PRUNE1: variants seen among roughly 807,000 people sequenced by gnomAD.
PRUNE1 encodes prune exopolyphosphatase 1.
A neutral mutation model predicts 42.5 loss-of-function variants in PRUNE1; 25 were observed. The observed-to-expected ratio is 0.59, with a 90% CI of 0.43 to 0.82. The LOEUF is 0.82. Among genes scored for constraint, PRUNE1 ranks in the 40% least tolerant of loss-of-function variants. PRUNE1 has a pLI of 0.00. For missense variants in PRUNE1, 443 were observed against 539.3 expected (o/e 0.82, Z 1.77); for synonymous variants, 203 against 217.1 (o/e 0.93, Z 0.57).
chr1:151,018,209 T>C (rs1201132787), intron 2 of PRUNE1, among the ~76,000 whole-genome samples: 5 of 152,154 alleles, frequency 3.3e-5, no homozygotes, highest in Admixed American at 1.3e-4. Context: ...AGGTTAGTTC[T>C]TGAGGACTAA....
intron 3 of PRUNE1, among the ~76,000 whole-genome samples, chr1:151,021,757 G>C (rs1014956216): frequency 2.2e-5 from 3 of 138,508 alleles, no homozygotes; most frequent in African/African-American, 5.4e-5. Context: ...TTCTCTTGTT[G>C]CCTAGGTTGG....
At chr1:151,018,714 G>C in intron 3 of PRUNE1, 45 bp downstream of exon 3, 2 of 1,536,694 alleles carry the variant, frequency 1.3e-6, no homozygotes, top group Non-Finnish European at 1.8e-6. Flanking sequence ...GTACCATGCT[G>C]GGCTCTGATG....
chr1:151,010,705 C>T (rs910878689), intron 1 of PRUNE1, among the ~76,000 whole-genome samples: 7 of 140,100 alleles, frequency 5.0e-5, no homozygotes, highest in Non-Finnish European at 7.6e-5. Flanking sequence ...TAGACTCACT[C>T]TGTCGCCCAG....
chr1:151,014,989 C>T (rs587705152), intron 1 of PRUNE1, among the ~76,000 whole-genome samples: 16 of 151,842 alleles, frequency 1.1e-4, no homozygotes, highest in South Asian at 2.1e-4. Flanking sequence ...CCCAGGAGTT[C>T]GAGATCAGCA....
rs780893260 is a variant in PRUNE1 at position 151,024,678 on chromosome 1, T to C, written c.403T>C (p.Cys135Arg). 2.6e-5 allele frequency: 42 copies of C among 1,613,790 alleles called. 1 individual carries two copies. In the South Asian group the frequency reaches 4.0e-4, roughly 15 times the overall value. ...LDHRPIEPKHCPPCHVSVELV... is the reference protein window; with the variant it reads ...LDHRPIEPKHRPPCHVSVELV... ...CCATCGACCCATCGAGCCGAAACAC[T>C]GCCCTCCCTGCCATGTTTCAGTTGA... Residue 135 changes from cysteine to arginine, a missense_variant, in exon 4 of 8, where the codon TGC (cysteine) becomes CGC (arginine). By Grantham distance (180) the Cys-to-Arg change is radical (BLOSUM62 -3). Coordinates refer to ENST00000271620, the MANE Select transcript of PRUNE1 (RefSeq NM_021222.3).
intron 7 of PRUNE1, among the ~76,000 whole-genome samples, chr1:151,031,595 CAG>C (rs1047342461): frequency 1.3e-5 from 2 of 152,154 alleles, no homozygotes; most frequent in African/African-American, 4.8e-5. Flanking sequence ...GCTCTGGGCT[CAG>C]TGTCAGTTTT....
At chr1:151,029,033 C>A in intron 7 of PRUNE1, 89 bp downstream of exon 7, 1 of 1,316,134 alleles carries the variant, frequency 7.6e-7, no homozygotes, top group Non-Finnish European at 1.0e-6. Context: ...ATAAGGACCT[C>A]TCTTAGGTTC....
intron 6 of PRUNE1, among the ~76,000 whole-genome samples, chr1:151,027,654 T>C (rs1172119435): frequency 6.7e-6 from 1 of 149,498 alleles, no homozygotes; most frequent in East Asian, 2.0e-4. Context: ...CCATCATGGC[T>C]CACTGCAGCC....
chr1:151,030,829 C>T lies in PRUNE1; in HGVS notation c.933+1885C>T, dbSNP rs587598820. On this transcript the variant is annotated intron_variant, in intron 7 of 7. Transcript: ENST00000271620. Reference sequence around the variant, plus strand: ...AGTCAGGTAGATGTGCTTTTCTGTTCTAGGTTTGCCTCTTACTCACTCTTT... The same window carrying T: ...AGTCAGGTAGATGTGCTTTTCTGTTTTAGGTTTGCCTCTTACTCACTCTTT... 3.9e-5 allele frequency among the ~76,000 whole-genome samples: 6 copies of T among 152,128 alleles called. 1 individual carries two copies. In the South Asian group the frequency reaches 1.2e-3, roughly 31 times the overall value.
intron 3 of PRUNE1, among the ~76,000 whole-genome samples, chr1:151,022,066 C>T (rs947110657): frequency 1.3e-5 from 2 of 151,590 alleles, no homozygotes; most frequent in African/African-American, 4.8e-5. Flanking sequence ...TCAAGGAATC[C>T]TCCCGCCTCA....
intron 3 of PRUNE1, among the ~76,000 whole-genome samples, chr1:151,021,367 A>G (rs1571789227): frequency 1.3e-5 from 2 of 152,274 alleles, no homozygotes; most frequent in South Asian, 2.1e-4. Flanking sequence ...AGGCAGGAGA[A>G]TTGCTTGAAC....
chr1:151,032,917 G>A (rs761526527), intron 7 of PRUNE1, among the ~76,000 whole-genome samples: 16 of 151,438 alleles, frequency 1.1e-4, no homozygotes, highest in Non-Finnish European at 2.1e-4. Context: ...GGGATTACAG[G>A]TGTGAACCAC....
At chr1:151,017,117 G>A (rs1050970564) in intron 1 of PRUNE1, among the ~76,000 whole-genome samples, 46 of 147,868 alleles carry the variant, frequency 3.1e-4, no homozygotes, top group African/African-American at 1.1e-3. Context: ...AAAAGTATAA[G>A]CATTCTTTTA....
At chr1:151,033,467 T>C (rs1675369545) in intron 7 of PRUNE1, among the ~76,000 whole-genome samples, 1 of 148,604 alleles carries the variant, frequency 6.7e-6, no homozygotes, top group Non-Finnish European at 1.5e-5. Context: ...CTCCGCTCAC[T>C]GCAAGCTCCG....
At chr1:151,010,243 A>G (rs1673686389) in intron 1 of PRUNE1, among the ~76,000 whole-genome samples, 1 of 151,900 alleles carries the variant, frequency 6.6e-6, no homozygotes. Context: ...GCCACCACGC[A>G]GGGCTAATTT....
At position 151,033,834 on chromosome 1, in the gene PRUNE1, C is replaced by T. The variant is rs144150015; in HGVS notation, c.962C>T (p.Ser321Phe). Residue 321 changes from serine to phenylalanine, a missense_variant, in exon 8 of 8, where the codon TCT (serine) becomes TTT (phenylalanine). Transcript: ENST00000271620. ...TGTGAAGTCCTGGAACGCTCCCACTCTCCACCCCTGAAGCTGACCCCTGCC... is the reference window on the plus strand; with the variant it reads ...TGTGAAGTCCTGGAACGCTCCCACTTTCCACCCCTGAAGCTGACCCCTGCC... ...TICEVLERSHSPPLKLTPASS... is the reference protein window; with the variant it reads ...TICEVLERSHFPPLKLTPASS... The T allele has an allele frequency of 1.5e-5, 25 of 1,613,950 alleles. No homozygotes were observed. In the African/African-American group the frequency reaches 3.1e-4, roughly 20 times the overall value.
intron 6 of PRUNE1, among the ~76,000 whole-genome samples, chr1:151,027,747 A>AGC (rs1553254103): frequency 1.9e-4 from 25 of 130,946 alleles, no homozygotes; most frequent in African/African-American, 6.3e-4. Flanking sequence ...ACACCTAACT[A>AGC]GTGTGTGTGT....
chr1:151,015,358 G>A (rs1382472997), intron 1 of PRUNE1, among the ~76,000 whole-genome samples: 9 of 144,510 alleles, frequency 6.2e-5, no homozygotes, highest in African/African-American at 7.7e-5. Context: ...AACAAGGGCC[G>A]GGCACGGTGG....
intron 7 of PRUNE1, among the ~76,000 whole-genome samples, chr1:151,031,926 T>G (rs1675265463): frequency 6.6e-6 from 1 of 152,140 alleles, no homozygotes; most frequent in Non-Finnish European, 1.5e-5. Context: ...AAATATACAA[T>G]CTAAACTGTT....
Sources: gnomAD v4.1 joint callset for allele counts (sites outside exome capture counted in the v4.1 genomes callset) on GRCh38, gnomAD v4.1.1 for gene constraint, MANE v1.5 for transcripts, NCBI Gene and HGNC (gene_info 2026-07-23, HGNC 2026-07-21) for gene names.